CUX1: variants seen among roughly 807,000 people sequenced by gnomAD.
CUX1 encodes the protein cut like homeobox 1, also known as protein CASP.
CUX1 carries 31 observed loss-of-function variants against 158.8 expected under a neutral mutation model. The ratio of observed to expected loss-of-function variants is 0.20; its 90% CI spans 0.15 to 0.26. The LOEUF is 0.26. Among genes scored for constraint, CUX1 ranks in the 10% least tolerant of loss-of-function variants. The pLI, the probability that CUX1 is intolerant of heterozygous loss-of-function variation, is 1.00. For synonymous variants in CUX1, 879 were observed against 862.1 expected (o/e 1.02, Z -0.34); for missense variants, 1,589 against 2,014.6 (o/e 0.79, Z 4.04).
At chr7:102,040,945 G>C (rs1196983469) in intron 3 of CUX1, among the ~76,000 whole-genome samples, 1 of 152,112 alleles carries the variant, frequency 6.6e-6, no homozygotes, top group Non-Finnish European at 1.5e-5. Flanking sequence ...GTTGACTATC[G>C]CTAGCAGAAC....
chr7:102,136,689 A>AT lies in CUX1; in HGVS notation c.674+21420dup, dbSNP rs1833947084. ...TAGACGTGAGCCACCGTGCCCGGCC[A>AT]TTTTACCAACTTTTATAAATTAACT... On this transcript the variant is annotated intron_variant, in intron 8 of 23. Transcript: ENST00000292535. Among the ~76,000 whole-genome samples, 10 of 152,202 alleles carry AT rather than the reference A, an allele frequency of 6.6e-5. No homozygotes were observed. In the South Asian group the frequency reaches 2.1e-3, roughly 32 times the overall value.
At chr7:102,125,449 C>T (rs1325213154) in intron 8 of CUX1, 1 of 152,198 alleles carries the variant, frequency 6.6e-6, no homozygotes, top group African/African-American at 2.4e-5. Flanking sequence ...TCTGACTCAC[C>T]ACGGGGAGTC....
chr7:101,888,507 C>T (rs939432359), intron 1 of CUX1, among the ~76,000 whole-genome samples: 4 of 152,144 alleles, frequency 2.6e-5, no homozygotes, highest in African/African-American at 9.7e-5. Flanking sequence ...ATACCGCCAG[C>T]CTGATGCCTC....
At chr7:102,117,804 T>C (rs1831592236) in intron 8 of CUX1, among the ~76,000 whole-genome samples, 1 of 152,198 alleles carries the variant, frequency 6.6e-6, no homozygotes, top group Non-Finnish European at 1.5e-5. Context: ...AAGCCTGTCT[T>C]GGGGAGGACC....
Position 102,248,392 on chromosome 7 carries a change from C to G in CUX1, c.3888-20C>G. 6.4e-7 allele frequency: 1 copy of G among 1,572,562 alleles called. No individual in the cohort carries two copies. The highest frequency in any genetic ancestry group is 8.6e-7 in the Non-Finnish European group (1 of 1,165,742). On this transcript the variant is annotated intron_variant, in intron 23 of 23. Coordinates refer to ENST00000292535, the MANE Select transcript of CUX1 (RefSeq NM_181552.4). This position sits in a 1 kb window ranked among gnomAD's most constrained non-coding sequence, Gnocchi z 5.8. ...CCCAGCAGCACCCCCCTCACGTCCC[C>G]GCCGCTTGTTGTCTTGTAGGTCTCG... is the stretch of plus-strand genomic sequence containing the variant.
intron 1 of CUX1, among the ~76,000 whole-genome samples, chr7:101,915,451 A>G (rs942633955): frequency 1.2e-4 from 18 of 152,226 alleles, no homozygotes; most frequent in African/African-American, 4.1e-4. Context: ...ATAACTGCCA[A>G]TGGTGCCTCA....
intron 1 of CUX1, among the ~76,000 whole-genome samples, chr7:101,845,156 CTCTT>C (rs1005153636): frequency 1.3e-5 from 2 of 152,028 alleles, no homozygotes; most frequent in Non-Finnish European, 2.9e-5. Context: ...CTCTCTCTCT[CTCTT>C]TTTGAAATGG....
chr7:101,822,434 A>T (rs1287154827), intron 1 of CUX1: 1 of 152,170 alleles, frequency 6.6e-6, no homozygotes, highest in Non-Finnish European at 1.5e-5. Context: ...GCGGGGATGG[A>T]GGTTTCCCTG....
intron 2 of CUX1, among the ~76,000 whole-genome samples, chr7:101,971,343 G>T (rs1050655707): frequency 2.0e-5 from 3 of 152,154 alleles, no homozygotes; most frequent in Non-Finnish European, 4.4e-5. Flanking sequence ...GAGTGGGAAC[G>T]AAGAGGAAAG....
At chr7:102,096,758 T>C (rs1382476905) in intron 4 of CUX1, among the ~76,000 whole-genome samples, 1 of 152,110 alleles carries the variant, frequency 6.6e-6, no homozygotes, top group African/African-American at 2.4e-5. Flanking sequence ...CAGACTTAGG[T>C]GTGCATTCTC....
At chr7:101,858,162 T>C (rs1023990251) in intron 1 of CUX1, among the ~76,000 whole-genome samples, 2 of 152,162 alleles carry the variant, frequency 1.3e-5, no homozygotes, top group South Asian at 4.1e-4. Context: ...TTGTTGTTTC[T>C]GAGGAGTAGG....
At chr7:102,107,403 G>T (rs1213605051) in intron 6 of CUX1, among the ~76,000 whole-genome samples, 1 of 151,876 alleles carries the variant, frequency 6.6e-6, no homozygotes, top group Non-Finnish European at 1.5e-5. Context: ...AGCCAGGCGT[G>T]GTGGCACATG....
chr7:102,178,616 C>G lies in CUX1; in HGVS notation c.976C>G (p.Gln326Glu). The stretch of plus-strand genomic sequence containing the variant: ...GGAGAATTCGGCCAGCCAGATCTCA[C>G]AGCTTGAGCAGCAGCTGAGCGCCAA... The part of the protein sequence containing the change: ...LRENSASQIS[Q>E]LEQQLSAKNS... The change falls in exon 11 of 24, where the codon CAG becomes GAG. Residue 326 changes from glutamine (Q) to glutamate (E), a missense_variant. Gln to Glu is a conservative substitution (Grantham distance 29). Transcript: ENST00000292535. 1.2e-6 allele frequency: 2 copies of G among 1,611,222 alleles called. No homozygotes were observed. Among genetic ancestry groups the G allele is most frequent in the Non-Finnish European group, 1.7e-6 (2 of 1,178,654 alleles).
rs542838130 is a variant in CUX1, at chr7:102,212,790, CACTT to C, written c.3130+7622_3130+7625del. Among the ~76,000 whole-genome samples, 217 of 152,224 alleles carry C rather than the reference CACTT, an allele frequency of 1.4e-3. 3 individuals are homozygous for C. The highest frequency in any genetic ancestry group is 5.1e-3 in the African/African-American group (210 of 41,528). On this transcript the variant is annotated intron_variant, in intron 20 of 23. Coordinates refer to ENST00000292535, the MANE Select transcript of CUX1 (RefSeq NM_181552.4). Reference sequence around the variant, plus strand: ...AAAAGGCCGTGTGCCTTGCTTTTCTCACTTAGTAACACACCGTGGAGACCTTCCT... The same window carrying C: ...AAAAGGCCGTGTGCCTTGCTTTTCTCAGTAACACACCGTGGAGACCTTCCT...
At chr7:102,272,824 C>T (rs144566599) in intron 14 of CUX1, among the ~76,000 whole-genome samples, 90 of 152,316 alleles carry the variant, frequency 5.9e-4, no homozygotes, top group South Asian at 2.9e-3. Context: ...GCAGCTGGAG[C>T]CTCTGTTGGG....
rs782462072 is a variant in CUX1 at position 102,212,915 on chromosome 7, G to C, written c.3130+7745G>C. On this transcript the variant is annotated intron_variant, in intron 20 of 23. Coordinates refer to ENST00000292535, the MANE Select transcript of CUX1 (RefSeq NM_181552.4). Reference sequence around the variant, plus strand: ...GGCTGGAGTGCAGTGGCACAATCTCGGCTCACTGCAGCCTCCGCCTTCCGA... The same window carrying C: ...GGCTGGAGTGCAGTGGCACAATCTCCGCTCACTGCAGCCTCCGCCTTCCGA... 9.5e-4 allele frequency among the ~76,000 whole-genome samples: 144 copies of C among 152,122 alleles called. 1 individual carries two copies. Among genetic ancestry groups the C allele is most frequent in the Non-Finnish European group, 1.5e-3 (100 of 68,026 alleles).
Position 101,870,075 on chromosome 7 carries a change from C to A in CUX1, c.31-46040C>A, listed in dbSNP as rs537620070. On this transcript the variant is annotated intron_variant, in intron 1 of 23. Coordinates refer to ENST00000292535, the MANE Select transcript of CUX1 (RefSeq NM_181552.4). The stretch of plus-strand genomic sequence containing the variant: ...TGTAGCTTTCCATCCGGTGTCTTCA[C>A]CCCTTTGCTCTTTGTAGCTGTCTCA... Among the ~76,000 whole-genome samples, 3 of 151,952 alleles carry A rather than the reference C, an allele frequency of 2.0e-5. No individual in the cohort carries two copies. In the East Asian group the frequency reaches 5.8e-4, roughly 29 times the overall value.
intron 21 of CUX1, 114 bp from the exon 22 acceptor site, chr7:102,233,938 C>A: frequency 1.3e-6 from 1 of 771,392 alleles, no homozygotes; most frequent in Non-Finnish European, 1.9e-6. Flanking sequence ...ATGTCACCAG[C>A]CCAACCCTGA....
chr7:101,877,125 T>C (rs763450067), intron 1 of CUX1, among the ~76,000 whole-genome samples: 52 of 152,206 alleles, frequency 3.4e-4, no homozygotes, highest in Non-Finnish European at 6.8e-4. Context: ...TCCAGAAAAG[T>C]TGGAACAATT....
Sources: gnomAD v4.1 joint callset for allele counts (sites outside exome capture counted in the v4.1 genomes callset) on GRCh38, gnomAD v4.1.1 for gene constraint, Gnocchi (gnomAD v3.1) non-coding constraint, MANE v1.5 for transcripts, NCBI Gene and HGNC (gene_info 2026-07-23, HGNC 2026-07-21) for gene names.